DIAPH3: variants seen among roughly 807,000 people sequenced by gnomAD.
DIAPH3 encodes the protein diaphanous related formin 3, also known as protein diaphanous homolog 3.
In DIAPH3, 117 loss-of-function variants were observed where a neutral mutation model predicts 144.3. The observed-to-expected ratio is 0.81, with a 90% CI of 0.70 to 0.95. The LOEUF (loss-of-function observed/expected upper bound fraction) is 0.95, where lower values mean the gene tolerates loss of function less well. Among genes scored for constraint, DIAPH3 ranks in the 40% least tolerant of loss-of-function variants. The pLI is 0.00. For missense variants in DIAPH3, 1,421 were observed against 1,412.7 expected (o/e 1.01, Z -0.09); for synonymous variants, 519 against 488.9 (o/e 1.06, Z -0.81).
At chr13:59,735,791 T>G (rs781763487) in intron 27 of DIAPH3, among the ~76,000 whole-genome samples, 1 of 152,190 alleles carries the variant, frequency 6.6e-6, no homozygotes, top group Non-Finnish European at 1.5e-5. Context: ...TGTTTTAACT[T>G]CTATTTTAAG....
At chr13:59,954,649 A>G (rs1433120742) in intron 17 of DIAPH3, among the ~76,000 whole-genome samples, 1 of 152,152 alleles carries the variant, frequency 6.6e-6, no homozygotes, top group African/African-American at 2.4e-5. Context: ...TGGGTAATTT[A>G]TAAAGGAAAG....
intron 2 of DIAPH3, among the ~76,000 whole-genome samples, chr13:60,128,406 A>G (rs1353598745): frequency 6.6e-6 from 1 of 152,138 alleles, no homozygotes; most frequent in Non-Finnish European, 1.5e-5. Context: ...AAAATTTTAT[A>G]TTCCTTTGGG....
chr13:59,931,489 A>G (rs2048014717), intron 17 of DIAPH3, among the ~76,000 whole-genome samples: 1 of 152,180 alleles, frequency 6.6e-6, no homozygotes, highest in South Asian at 2.1e-4. Context: ...CCTTCAAAGC[A>G]CTTACTCCTT....
chr13:59,978,197 ATAAT>A lies in DIAPH3; in HGVS notation c.1545+2594_1545+2597del, dbSNP rs368047929. ...ATCACCTTTCCAGTGTCTTACATCT[ATAAT>A]TAAAGTCAAATAAATATTTGTTGAA... On this transcript the variant is annotated intron_variant, in intron 14 of 27. Coordinates refer to ENST00000400324, the MANE Select transcript of DIAPH3 (RefSeq NM_001042517.2). Among the ~76,000 whole-genome samples, 1,158 of 151,914 alleles carry A rather than the reference ATAAT, an allele frequency of 7.6e-3. 16 individuals carry two copies. Among genetic ancestry groups the A allele is most frequent in the African/African-American group, 0.026 (1,074 of 41,496 alleles).
At chr13:59,856,560 A>C in intron 22 of DIAPH3, among the ~76,000 whole-genome samples, 1 of 152,174 alleles carries the variant, frequency 6.6e-6, no homozygotes, top group East Asian at 1.9e-4. Context: ...GTACATGTAC[A>C]TTCCTGAATG....
intron 5 of DIAPH3, among the ~76,000 whole-genome samples, chr13:60,019,231 A>G (rs988644458): frequency 3.3e-5 from 5 of 152,168 alleles, no homozygotes; most frequent in Admixed American, 2.0e-4. Flanking sequence ...AAAAATTATC[A>G]ACTGATCTAT....
intron 4 of DIAPH3, among the ~76,000 whole-genome samples, chr13:60,085,831 T>C (rs2137844526): frequency 6.6e-6 from 1 of 152,244 alleles, no homozygotes. Flanking sequence ...TTATCTGACA[T>C]GGTAAGTTTT....
intron 4 of DIAPH3, among the ~76,000 whole-genome samples, chr13:60,056,529 T>C (rs1168987822): frequency 6.6e-6 from 1 of 151,824 alleles, no homozygotes; most frequent in Admixed American, 6.6e-5. Flanking sequence ...GCTCTGTCTA[T>C]AAGGGCCTAG....
intron 27 of DIAPH3, among the ~76,000 whole-genome samples, chr13:59,703,512 T>C (rs766909070): frequency 1.3e-5 from 2 of 152,232 alleles, no homozygotes; most frequent in Non-Finnish European, 2.9e-5. Context: ...TCTCCTGTTT[T>C]CTGCTTATCT....
chr13:60,136,472 C>CAAA (rs34487556), intron 1 of DIAPH3, among the ~76,000 whole-genome samples: 3 of 81,968 alleles, frequency 3.7e-5, no homozygotes, highest in Non-Finnish European at 5.1e-5. Flanking sequence ...TTATATTTAC[C>CAAA]AAAAAAAAAA....
At chr13:59,834,230 T>C (rs942478131) in intron 23 of DIAPH3, among the ~76,000 whole-genome samples, 3 of 151,674 alleles carry the variant, frequency 2.0e-5, no homozygotes, top group African/African-American at 7.2e-5. Flanking sequence ...CAGTCAGATA[T>C]AACATCACTA....
rs1364791057 is a variant in DIAPH3, at chr13:59,774,786, C to T, written c.3201G>A (p.Glu1067=). 6.2e-6 allele frequency: 10 copies of T among 1,614,070 alleles called. No individual in the cohort carries two copies. The highest frequency in any genetic ancestry group is 1.7e-5 in the Admixed American group (1 of 60,012). Residue 1067 remains glutamate (E), a synonymous_variant, in exon 26 of 28, where the codon GAG becomes GAA. Transcript: ENST00000400324. ...DETGVMDNLL[E]ALQSGAAFRD... is the part of the protein sequence containing the mutation. Reference sequence around the variant, plus strand: ...GGAAGGCAGCCCCGGACTGCAAGGCCTCCAGCAGATTATCCATCACTCCTG... The same window carrying T: ...GGAAGGCAGCCCCGGACTGCAAGGCTTCCAGCAGATTATCCATCACTCCTG...
Position 60,156,939 on chromosome 13 carries a change from ATTTTTTTTT to A in DIAPH3, c.180+6639_180+6647del, listed in dbSNP as rs757042309. 6.1e-4 allele frequency among the ~76,000 whole-genome samples: 50 copies of A among 82,068 alleles called. 1 individual carries two copies. The highest frequency in any genetic ancestry group is 1.9e-3 in the East Asian group (8 of 4,162). The allele number at this position is 82,068 out of a possible 152,430, so 53.8% of individuals were successfully genotyped here. A position where few individuals can be genotyped will look rare whatever the true frequency, so the allele number is the denominator to read the frequency against. On this transcript the variant is annotated intron_variant, in intron 1 of 27. Coordinates refer to ENST00000400324, the MANE Select transcript of DIAPH3 (RefSeq NM_001042517.2). ...CCTTCATATATATATATATATATAT[ATTTTTTTTT>A]TTTTTTTTTTTGAGACAGAGGAGTC...
intron 25 of DIAPH3, among the ~76,000 whole-genome samples, chr13:59,791,276 A>G (rs1029995673): frequency 1.3e-5 from 2 of 152,200 alleles, no homozygotes; most frequent in Non-Finnish European, 2.9e-5. Context: ...GGTCAAGAAC[A>G]GTTTTATTTA....
chr13:59,766,655 A>T (rs181931565), intron 27 of DIAPH3, among the ~76,000 whole-genome samples: 50 of 152,252 alleles, frequency 3.3e-4, no homozygotes, highest in African/African-American at 1.2e-3. Flanking sequence ...AACTATTAAT[A>T]CTTCCTTTCA....
chr13:59,771,169 A>C (rs423077), intron 27 of DIAPH3, among the ~76,000 whole-genome samples: 99,175 of 151,418 alleles, frequency 0.65, 32,931 homozygotes, highest in East Asian at 0.72. Flanking sequence ...TGCTCTCTCT[A>C]TATATAAAAA....
At chr13:59,996,053 C>T (rs1456075518) in intron 9 of DIAPH3, among the ~76,000 whole-genome samples, 1 of 151,966 alleles carries the variant, frequency 6.6e-6, no homozygotes, top group Non-Finnish European at 1.5e-5. Context: ...GTGGTCTCAA[C>T]AGTGAGAGAG....
chr13:59,980,696 T>C (rs2050946215), intron 14 of DIAPH3, 99 bp downstream of exon 14: 4 of 1,098,898 alleles, frequency 3.6e-6, no homozygotes, highest in Admixed American at 3.7e-5. Context: ...CTGAAGCAGA[T>C]AAAGAAGAAA....
At chr13:59,693,389 A>G (rs1279147805) in intron 27 of DIAPH3, among the ~76,000 whole-genome samples, 2 of 152,212 alleles carry the variant, frequency 1.3e-5, no homozygotes, top group African/African-American at 4.8e-5. Context: ...AAGCTCTTTG[A>G]TATCATGAAA....
Sources: gnomAD v4.1 joint callset for allele counts (sites outside exome capture counted in the v4.1 genomes callset) on GRCh38, gnomAD v4.1.1 for gene constraint, MANE v1.5 for transcripts, NCBI Gene and HGNC (gene_info 2026-07-23, HGNC 2026-07-21) for gene names.